ARB2A: variants seen among roughly 807,000 people sequenced by gnomAD.
ARB2A encodes cotranscriptional regulator ARB2A.
chr5:93,641,398 G>C, the ARB2A span, among the ~76,000 whole-genome samples: 2 of 152,182 alleles, frequency 1.3e-5, no homozygotes, highest in Admixed American at 6.5e-5. Context: ...ACAGAGAAAA[G>C]TTAAAAAATC....
At chr5:94,096,956 T>C in the ARB2A span, among the ~76,000 whole-genome samples, 1 of 152,158 alleles carries the variant, frequency 6.6e-6, no homozygotes. Context: ...TCCAGAATGC[T>C]AGCTACAGGA....
At chr5:93,884,763 C>T in the ARB2A span, among the ~76,000 whole-genome samples, 1 of 151,500 alleles carries the variant, frequency 6.6e-6, no homozygotes, top group Non-Finnish European at 1.5e-5. Context: ...AAAAAACTAA[C>T]ATTTAAAATT....
chr5:93,628,496 C>G, the ARB2A span, among the ~76,000 whole-genome samples: 3 of 152,334 alleles, frequency 2.0e-5, no homozygotes, highest in Admixed American at 1.3e-4. Flanking sequence ...CTTATCCTCT[C>G]TAGCTGTGAA....
chr5:93,832,239 A>G, the ARB2A span, among the ~76,000 whole-genome samples: 1 of 152,122 alleles, frequency 6.6e-6, no homozygotes, highest in Non-Finnish European at 1.5e-5. Context: ...GCTCACCTTG[A>G]GCAGATGCAG....
the ARB2A span, among the ~76,000 whole-genome samples, chr5:94,051,164 C>T: frequency 1.3e-5 from 2 of 152,038 alleles, no homozygotes; most frequent in East Asian, 1.9e-4. Context: ...TAGAGGTTAC[C>T]TGAGGAGTAA....
the ARB2A span, among the ~76,000 whole-genome samples, chr5:93,934,513 T>C: frequency 2.0e-5 from 3 of 152,134 alleles, no homozygotes; most frequent in Admixed American, 6.5e-5. Context: ...ACATCCTAAG[T>C]GGTCTTAGGT....
At chr5:93,768,001 A>G in the ARB2A span, among the ~76,000 whole-genome samples, 1 of 142,240 alleles carries the variant, frequency 7.0e-6, no homozygotes, top group African/African-American at 2.8e-5. Context: ...CTCAAAAAAA[A>G]AAAAAAAAAA....
At chr5:93,949,440 A>T in the ARB2A span, among the ~76,000 whole-genome samples, 1 of 152,024 alleles carries the variant, frequency 6.6e-6, no homozygotes, top group East Asian at 2.0e-4. Flanking sequence ...ACACGCCTGT[A>T]GTCCCAGCTA....
At chr5:93,839,502 C>A in the ARB2A span, among the ~76,000 whole-genome samples, 1 of 151,932 alleles carries the variant, frequency 6.6e-6, no homozygotes, top group African/African-American at 2.4e-5. Context: ...TGTGTCTCTG[C>A]CAGGTTTTGG....
the ARB2A span, chr5:93,741,838 C>T: frequency 2.6e-4 from 106 of 414,546 alleles, 1 homozygote; most frequent in Middle Eastern, 5.7e-3. Flanking sequence ...TGTCTGGAGT[C>T]CCTTACTCAC....
the ARB2A span, among the ~76,000 whole-genome samples, chr5:93,796,374 G>A: frequency 2.6e-5 from 4 of 152,042 alleles, no homozygotes; most frequent in Non-Finnish European, 5.9e-5. Context: ...TAATGTGATT[G>A]GCCTATATGG....
chr5:93,740,497 A>T, the ARB2A span: 1 of 1,436,410 alleles, frequency 7.0e-7, no homozygotes, highest in African/African-American at 1.4e-5. Context: ...AAAGCCCTCA[A>T]ATGAACCCTA....
the ARB2A span, among the ~76,000 whole-genome samples, chr5:94,013,184 T>G: frequency 3.3e-5 from 5 of 150,118 alleles, no homozygotes; most frequent in South Asian, 2.1e-4. Flanking sequence ...TTTTTTTTTT[T>G]TTTTTTTTTT....
At chr5:93,937,793 T>C in the ARB2A span, among the ~76,000 whole-genome samples, 2 of 152,170 alleles carry the variant, frequency 1.3e-5, no homozygotes, top group Non-Finnish European at 2.9e-5. Context: ...TATTTGCTCA[T>C]AGCCTACATA....
At chr5:93,777,442 T>C in the ARB2A span, among the ~76,000 whole-genome samples, 1 of 152,140 alleles carries the variant, frequency 6.6e-6, no homozygotes, top group Non-Finnish European at 1.5e-5. Context: ...ATAAATAAAA[T>C]AATCTATATT....
the ARB2A span, among the ~76,000 whole-genome samples, chr5:93,810,785 G>A: frequency 2.0e-5 from 3 of 151,996 alleles, no homozygotes; most frequent in Admixed American, 6.6e-5. Context: ...AGTATAGCAT[G>A]GTGGTTATGA....
the ARB2A span, among the ~76,000 whole-genome samples, chr5:93,746,682 C>T: frequency 1.6e-4 from 25 of 152,126 alleles, no homozygotes; most frequent in South Asian, 2.1e-4. Flanking sequence ...AAAAGGCCCT[C>T]CATTTTATTT....
chr5:93,804,313 T>C, the ARB2A span, among the ~76,000 whole-genome samples: 5 of 152,020 alleles, frequency 3.3e-5, no homozygotes, highest in African/African-American at 9.7e-5. Flanking sequence ...TATATTCATC[T>C]GAGTATCTAA....
At chr5:93,757,396 C>T in the ARB2A span, among the ~76,000 whole-genome samples, 1 of 152,026 alleles carries the variant, frequency 6.6e-6, no homozygotes, top group African/African-American at 2.4e-5. Flanking sequence ...AAATTCATCA[C>T]AAAAAAGTTC....
Sources: gnomAD v4.1 joint callset for allele counts (sites outside exome capture counted in the v4.1 genomes callset) on GRCh38, gnomAD v4.1.1 for gene constraint, MANE v1.5 for transcripts, NCBI Gene and HGNC (gene_info 2026-07-23, HGNC 2026-07-21) for gene names.